Variants in SEPTIN11 observed in about 807,000 individuals in gnomAD.
The protein encoded by SEPTIN11 is septin-11.
Under a neutral mutation model 51.4 loss-of-function variants are expected in SEPTIN11, and 25 were observed. The observed-to-expected ratio is 0.49, with a 90% CI of 0.35 to 0.68. The LOEUF is 0.68. Ranked by LOEUF, SEPTIN11 falls within the 30% of genes least tolerant of loss-of-function variation. The probability of loss-of-function intolerance (pLI) is 0.00; values close to 1 mark genes in which losing one functional copy is unlikely to be tolerated. For missense variants in SEPTIN11, 381 were observed against 520.8 expected (o/e 0.73, Z 2.61); for synonymous variants, 174 against 184.1 (o/e 0.95, Z 0.44).
intron 5 of SEPTIN11, among the ~76,000 whole-genome samples, chr4:77,018,413 CA>C (rs1725461992): frequency 6.6e-6 from 1 of 150,586 alleles, no homozygotes; most frequent in African/African-American, 2.5e-5. Context: ...CGCGCCACTG[CA>C]CTCCAGCCTG....
Position 77,035,766 on chromosome 4 carries a change from G to T in SEPTIN11, c.*1254G>T. On this transcript the variant is annotated 3_prime_UTR_variant, in exon 10 of 10. Coordinates refer to ENST00000264893, the MANE Select transcript of SEPTIN11 (RefSeq NM_018243.4). ...ATCAGGGATTAGAACTGGCCCATAT[G>T]CCAGAACCTGTACTAAATGCCTAAT... The T allele has an allele frequency of 1.0e-6, 1 of 985,818 alleles. No homozygotes were observed. The highest frequency in any genetic ancestry group is 1.2e-6 in the Non-Finnish European group (1 of 829,934). 61.1% of individuals were successfully genotyped at this position (985,818 alleles called of 1,614,324 possible). A position where few individuals can be genotyped will look rare whatever the true frequency, so the allele number is the denominator to read the frequency against.
chr4:76,987,920 CAG>C (rs1560711733), intron 1 of SEPTIN11: 1 of 670,168 alleles, frequency 1.5e-6, no homozygotes, highest in Non-Finnish European at 1.8e-6. Flanking sequence ...GGAGAAAAGA[CAG>C]AGCTCAAAGG....
rs764713690 is a variant in SEPTIN11 at position 77,019,206 on chromosome 4, G to A, written c.729G>A (p.Val243=). The A allele has an allele frequency of 3.1e-6, 5 of 1,613,812 alleles. No individual in the cohort carries two copies. Among genetic ancestry groups the A allele is most frequent in the Non-Finnish European group, 2.5e-6 (3 of 1,179,910 alleles). ...PFAVVGSTEE[V]KIGNKMAKAR... is the part of the protein sequence containing the mutation. ...CAGTGGTTGGCAGCACCGAAGAGGT[G>A]AAGATTGGCAACAAGATGGCAAAGG... Residue 243 remains valine (V), a synonymous_variant, in exon 6 of 10, where the codon GTG becomes GTA. Transcript: ENST00000264893.
rs1413852350 is a variant in SEPTIN11, at chr4:76,984,122, C to T, written c.28-12303C>T. Among the ~76,000 whole-genome samples, 2 of 152,130 alleles carry T rather than the reference C, an allele frequency of 1.3e-5. No individual in the cohort carries two copies. Among genetic ancestry groups the T allele is most frequent in the Non-Finnish European group, 2.9e-5 (2 of 68,018 alleles). Reference sequence around the variant, plus strand: ...ATGTTAATTGGTATGTTTATTTCCTCAATATGTATCATGGTTTTGGTCATT... The same window carrying T: ...ATGTTAATTGGTATGTTTATTTCCTTAATATGTATCATGGTTTTGGTCATT... On this transcript the variant is annotated intron_variant, in intron 1 of 9. Coordinates refer to ENST00000264893, the MANE Select transcript of SEPTIN11 (RefSeq NM_018243.4). The surrounding 1 kb of genome is among the most constrained non-coding windows in gnomAD (Gnocchi z 4.1).
intron 2 of SEPTIN11, among the ~76,000 whole-genome samples, chr4:76,999,819 G>T (rs923063202): frequency 1.1e-4 from 17 of 152,168 alleles, no homozygotes; most frequent in African/African-American, 4.1e-4. Flanking sequence ...GATGTTAAAT[G>T]AGATAACAGA....
At position 77,037,992 on chromosome 4, in the gene SEPTIN11, C is replaced by T. The variant is rs1727148691; in HGVS notation, c.*3480C>T. The T allele has an allele frequency of 4.1e-6, 4 of 985,858 alleles. No homozygotes were observed. The highest frequency in any genetic ancestry group is 4.8e-6 in the Non-Finnish European group (4 of 829,956). 61.1% of individuals were successfully genotyped at this position (985,858 alleles called of 1,614,324 possible). A position where few individuals can be genotyped will look rare whatever the true frequency, so the allele number is the denominator to read the frequency against. On this transcript the variant is annotated 3_prime_UTR_variant, in exon 10 of 10. Transcript: ENST00000264893. ...GACATTTCCATGACTGTTTCACATA[C>T]AAACTATTGGGTGAGGTTTTTCAGC...
intron 1 of SEPTIN11, chr4:76,995,919 T>G: frequency 6.5e-7 from 1 of 1,535,624 alleles, no homozygotes; most frequent in Non-Finnish European, 8.7e-7. Flanking sequence ...CTGAGAAGTT[T>G]TAAATATGCT....
intron 1 of SEPTIN11, chr4:76,995,925 A>G (rs1213179381): frequency 1.5e-5 from 23 of 1,535,510 alleles, no homozygotes; most frequent in Non-Finnish European, 2.0e-5. Flanking sequence ...AGTTTTAAAT[A>G]TGCTGCATTT....
rs149704387 is a variant in SEPTIN11 at position 76,981,964 on chromosome 4, G to A, written c.28-14461G>A. 2.5e-3 allele frequency among the ~76,000 whole-genome samples: 388 copies of A among 152,266 alleles called. 4 individuals are homozygous for A. Among genetic ancestry groups the A allele is most frequent in the African/African-American group, 9.1e-3 (380 of 41,562 alleles). On this transcript the variant is annotated intron_variant, in intron 1 of 9. Transcript: ENST00000264893. ...CGTGGCTGCTCAGTGATTGTTTCTA[G>A]ATCTCTCCCCCAAGTGACACTCGAA...
At chr4:76,976,309 T>C (rs1722500465) in intron 1 of SEPTIN11, among the ~76,000 whole-genome samples, 1 of 152,186 alleles carries the variant, frequency 6.6e-6, no homozygotes, top group Non-Finnish European at 1.5e-5. Flanking sequence ...TCAGAATTAT[T>C]TTTCACTTCC....
rs1384868509 is a variant in SEPTIN11, at chr4:76,952,417, C to T, written c.27+2487C>T. On this transcript the variant is annotated intron_variant, in intron 1 of 9. Transcript: ENST00000264893. Reference sequence around the variant, plus strand: ...TCCTTTTGCGATAACTACCTCTCCCCGCCAGACTGAAGAAAAATGCAATCT... The same window carrying T: ...TCCTTTTGCGATAACTACCTCTCCCTGCCAGACTGAAGAAAAATGCAATCT... Among the ~76,000 whole-genome samples, 3 of 152,126 alleles carry T rather than the reference C, an allele frequency of 2.0e-5. No homozygotes were observed. In the South Asian group the frequency reaches 6.2e-4, roughly 32 times the overall value.
chr4:77,039,149 C>T, downstream of SEPTIN11: 1 of 1,285,216 alleles, frequency 7.8e-7, no homozygotes, highest in Non-Finnish European at 1.0e-6. Flanking sequence ...AGAGCAGGAG[C>T]TGTCTGTTCA....
chr4:76,952,459 A>G (rs777520828), intron 1 of SEPTIN11, among the ~76,000 whole-genome samples: 16 of 152,136 alleles, frequency 1.1e-4, no homozygotes, highest in Non-Finnish European at 1.9e-4. Flanking sequence ...CTTACCCTAA[A>G]TTTTTGATAT....
chr4:76,976,475 G>A (rs971679767), intron 1 of SEPTIN11, among the ~76,000 whole-genome samples: 6 of 152,104 alleles, frequency 3.9e-5, no homozygotes, highest in South Asian at 2.1e-4. Context: ...GCTTTCAACC[G>A]TTCTAAGCCT....
intron 1 of SEPTIN11, chr4:76,973,021 T>C (rs926440310): frequency 1.3e-5 from 2 of 152,096 alleles, no homozygotes; most frequent in Admixed American, 6.5e-5. Context: ...TGCCCAAATG[T>C]GATGTTACAC....
rs1388418646 is a variant in SEPTIN11 at position 77,027,115 on chromosome 4, G to A, written c.954-1514G>A. Among the ~76,000 whole-genome samples the A allele has an allele frequency of 4.6e-5, 7 of 152,250 alleles. No homozygotes were observed. In the South Asian group the frequency reaches 1.4e-3, roughly 32 times the overall value. On this transcript the variant is annotated intron_variant, in intron 7 of 9. Transcript: ENST00000264893. Reference sequence around the variant, plus strand: ...TAAACTAATAACCGTGTTAATTATTGAAGTATAAACCAGCCTGATTAATAT... The same window carrying A: ...TAAACTAATAACCGTGTTAATTATTAAAGTATAAACCAGCCTGATTAATAT...
At chr4:77,029,747 A>C (rs1726459968) in intron 8 of SEPTIN11, among the ~76,000 whole-genome samples, 1 of 151,848 alleles carries the variant, frequency 6.6e-6, no homozygotes, top group African/African-American at 2.4e-5. Context: ...TAGCTAATAC[A>C]TAATGCATAT....
chr4:77,012,344 C>T (rs935325344), intron 4 of SEPTIN11, among the ~76,000 whole-genome samples: 1 of 152,148 alleles, frequency 6.6e-6, no homozygotes, highest in Non-Finnish European at 1.5e-5. Context: ...CTGAACTGCA[C>T]ATGTGTGTTC....
chr4:77,034,578 G>C lies in SEPTIN11; in HGVS notation c.*66G>C. On this transcript the variant is annotated 3_prime_UTR_variant, in exon 10 of 10. Coordinates refer to ENST00000264893, the MANE Select transcript of SEPTIN11 (RefSeq NM_018243.4). ...TGCAGTAATATCGTATCTCTGCCAT[G>C]TGTGTTCTTTAGTTTTATTTTATTT... The C allele has an allele frequency of 6.8e-7, 1 of 1,480,840 alleles. No homozygotes were observed. Among genetic ancestry groups the C allele is most frequent in the Non-Finnish European group, 8.9e-7 (1 of 1,121,428 alleles). 91.7% of individuals were successfully genotyped at this position (1,480,840 alleles called of 1,614,324 possible). A position where few individuals can be genotyped will look rare whatever the true frequency, so the allele number is the denominator to read the frequency against.
Sources: gnomAD v4.1 joint callset for allele counts (sites outside exome capture counted in the v4.1 genomes callset) on GRCh38, gnomAD v4.1.1 for gene constraint, Gnocchi (gnomAD v3.1) non-coding constraint, MANE v1.5 for transcripts, NCBI Gene and HGNC (gene_info 2026-07-23, HGNC 2026-07-21) for gene names.